TMEM245: variants seen among roughly 807,000 people sequenced by gnomAD.
The protein encoded by TMEM245 is transmembrane protein 245.
Under a neutral mutation model 101.2 loss-of-function variants are expected in TMEM245, and 69 were observed. The observed-to-expected ratio is 0.68, with a 90% CI of 0.56 to 0.83. TMEM245 has a LOEUF of 0.83. TMEM245 is among the 40% of genes least tolerant of loss of function. The probability of loss-of-function intolerance (pLI) is 0.00; values close to 1 mark genes in which losing one functional copy is unlikely to be tolerated. For synonymous variants in TMEM245, 537 were observed against 449.8 expected (o/e 1.19, Z -2.45); for missense variants, 1,075 against 1,092.8 (o/e 0.98, Z 0.23).
At chr9:109,109,684 A>G (rs932927780) in intron 1 of TMEM245, among the ~76,000 whole-genome samples, 26 of 152,186 alleles carry the variant, frequency 1.7e-4, no homozygotes, top group African/African-American at 6.0e-4. Flanking sequence ...TTAAATATAA[A>G]GAAGCTCATC....
At chr9:109,092,570 C>T (rs1830035860) in intron 4 of TMEM245, among the ~76,000 whole-genome samples, 1 of 152,232 alleles carries the variant, frequency 6.6e-6, no homozygotes, top group African/African-American at 2.4e-5. Context: ...ACCAAAATAT[C>T]ATTTCCTCTC....
At chr9:109,090,071 C>T (rs1259118924) in intron 5 of TMEM245, among the ~76,000 whole-genome samples, 2 of 151,746 alleles carry the variant, frequency 1.3e-5, no homozygotes, top group Non-Finnish European at 2.9e-5. Context: ...ACCAGCCTGG[C>T]CAACATGGTG....
chr9:109,053,240 A>G (rs1002644464), intron 12 of TMEM245, among the ~76,000 whole-genome samples: 2 of 152,186 alleles, frequency 1.3e-5, no homozygotes, highest in East Asian at 1.9e-4. Flanking sequence ...AGCCTGGCCA[A>G]CATGGTGAAA....
At chr9:109,040,610 T>TGTGGCAAAATATCC (rs1223055175) in intron 14 of TMEM245, among the ~76,000 whole-genome samples, 1 of 152,210 alleles carries the variant, frequency 6.6e-6, no homozygotes, top group African/African-American at 2.4e-5. Flanking sequence ...TGTATTAAAT[T>TGTGGCAAAATATCC]GTGGCAAAAT....
In TMEM245 at chr9:109,019,853, A is replaced by G. The variant is rs576483402; in HGVS notation, c.*607T>C. On this transcript the variant is annotated 3_prime_UTR_variant, in exon 18 of 18. Coordinates refer to ENST00000374586, the MANE Select transcript of TMEM245 (RefSeq NM_032012.4). ...GAGGAGGAAGAGCTTCAGTCTTTGT[A>G]TCTCCCAGGGTTATAATATAAAACT... The G allele has an allele frequency of 6.6e-6, 1 of 152,434 alleles. No homozygotes were observed. The highest frequency in any genetic ancestry group is 2.4e-5 in the African/African-American group (1 of 41,586). The allele number at this position is 152,434 out of a possible 1,614,324, so 9.4% of individuals were successfully genotyped here. A position where few individuals can be genotyped will look rare whatever the true frequency, so the allele number is the denominator to read the frequency against.
At chr9:109,038,763 T>TA (rs1452828014) in intron 14 of TMEM245, 3 of 152,220 alleles carry the variant, frequency 2.0e-5, no homozygotes, top group African/African-American at 7.2e-5. Flanking sequence ...ACAAGAGAGA[T>TA]AAAAACAGAC....
rs550339002 is a variant in TMEM245 at position 109,046,211 on chromosome 9, G to A, written c.2123+4072C>T. 85 of 534,130 alleles carry A rather than the reference G, an allele frequency of 1.6e-4. 2 individuals carry two copies. The highest frequency in any genetic ancestry group is 1.1e-3 in the South Asian group (80 of 71,544). The allele number at this position is 534,130 out of a possible 1,614,324, so 33.1% of individuals were successfully genotyped here. A position where few individuals can be genotyped will look rare whatever the true frequency, so the allele number is the denominator to read the frequency against. On this transcript the variant is annotated intron_variant, in intron 14 of 17. Transcript: ENST00000374586. ...ATCCCAGCAAGCAAGAGCCATACCC[G>A]TGTGCATGCACTCATGTGAAAATAT...
intron 4 of TMEM245, among the ~76,000 whole-genome samples, chr9:109,092,627 C>T (rs1265111095): frequency 1.3e-5 from 2 of 152,230 alleles, no homozygotes; most frequent in Non-Finnish European, 2.9e-5. Context: ...AGTGTTCCTA[C>T]TACACCAAAT....
chr9:109,038,525 G>C (rs1828208117), intron 14 of TMEM245: 1 of 158,126 alleles, frequency 6.3e-6, no homozygotes, highest in Admixed American at 6.5e-5. Flanking sequence ...AAGAAACCCA[G>C]GCTGTGGCCA....
At chr9:109,103,920 T>C (rs1054158992) in intron 3 of TMEM245, among the ~76,000 whole-genome samples, 1 of 151,514 alleles carries the variant, frequency 6.6e-6, no homozygotes, top group Non-Finnish European at 1.5e-5. Flanking sequence ...ACCCCATCTC[T>C]ACAACAATAC....
intron 3 of TMEM245, among the ~76,000 whole-genome samples, chr9:109,100,479 A>G (rs1215732772): frequency 6.6e-6 from 1 of 151,868 alleles, no homozygotes; most frequent in Non-Finnish European, 1.5e-5. Flanking sequence ...GCACACTACC[A>G]CACCCAGCTA....
At chr9:109,102,110 A>G (rs1830296564) in intron 3 of TMEM245, among the ~76,000 whole-genome samples, 1 of 152,246 alleles carries the variant, frequency 6.6e-6, no homozygotes. Flanking sequence ...CTAACCAGAA[A>G]AACAAGTCGA....
intron 7 of TMEM245, among the ~76,000 whole-genome samples, chr9:109,083,900 A>AC (rs1829744605): frequency 8.7e-6 from 1 of 115,130 alleles, no homozygotes; most frequent in Non-Finnish European, 1.8e-5. Context: ...TACTAAAAAT[A>AC]CAAAAAAAAA....
At chr9:109,094,553 C>T (rs144656090) in intron 3 of TMEM245, among the ~76,000 whole-genome samples, 133 of 152,294 alleles carry the variant, frequency 8.7e-4, no homozygotes, top group Middle Eastern at 3.4e-3. Flanking sequence ...AACTTCACGG[C>T]GAGCAGCAGC....
At chr9:109,116,683 T>C (rs954312292) in intron 1 of TMEM245, among the ~76,000 whole-genome samples, 5 of 152,094 alleles carry the variant, frequency 3.3e-5, no homozygotes, top group East Asian at 1.9e-4. Context: ...TGCGCCACCA[T>C]GCCTGGCTAA....
In TMEM245 at chr9:109,015,493, C is replaced by T. The variant is rs1827412437; in HGVS notation, c.*4967G>A. 1 of 152,464 alleles carries T rather than the reference C, an allele frequency of 6.6e-6. No individual in the cohort carries two copies. Among genetic ancestry groups the T allele is most frequent in the African/African-American group, 2.4e-5 (1 of 41,440 alleles). 9.4% of individuals were successfully genotyped at this position (152,464 alleles called of 1,614,324 possible). A position where few individuals can be genotyped will look rare whatever the true frequency, so the allele number is the denominator to read the frequency against. ...TTTGGGATGGCTACAATGAGAGTTA[C>T]ATCTGCTGGGTCTCTGCAATAAAAA... is the stretch of plus-strand genomic sequence containing the variant. On this transcript the variant is annotated 3_prime_UTR_variant, in exon 18 of 18. Transcript: ENST00000374586.
At chr9:109,022,736 G>A (rs767773306) in intron 17 of TMEM245, among the ~76,000 whole-genome samples, 1 of 152,148 alleles carries the variant, frequency 6.6e-6, no homozygotes. Context: ...GGCCAAGCTG[G>A]CTGCTGTCTC....
chr9:109,065,680 G>C (rs1038679797), intron 9 of TMEM245, among the ~76,000 whole-genome samples: 1 of 152,096 alleles, frequency 6.6e-6, no homozygotes, highest in Non-Finnish European at 1.5e-5. Context: ...TTCCACAAGA[G>C]AAAATATGTT....
chr9:109,074,558 A>C (rs1564192870), intron 8 of TMEM245, among the ~76,000 whole-genome samples: 1 of 152,174 alleles, frequency 6.6e-6, no homozygotes, highest in Non-Finnish European at 1.5e-5. Flanking sequence ...CAGAGGAAAG[A>C]GATCAAAGTC....
Sources: gnomAD v4.1 joint callset for allele counts (sites outside exome capture counted in the v4.1 genomes callset) on GRCh38, gnomAD v4.1.1 for gene constraint, MANE v1.5 for transcripts, NCBI Gene and HGNC (gene_info 2026-07-23, HGNC 2026-07-21) for gene names.